Variants in PDCD10 observed in about 807,000 individuals in gnomAD.
The protein encoded by PDCD10 is programmed cell death 10.
PDCD10 carries 4 observed loss-of-function variants against 29.2 expected under a neutral mutation model. The ratio of observed to expected loss-of-function variants is 0.14; its 90% CI spans 0.07 to 0.31. The LOEUF (loss-of-function observed/expected upper bound fraction) is 0.31. Among genes scored for constraint, PDCD10 ranks in the 10% least tolerant of loss-of-function variants. PDCD10 has a pLI of 1.00. For missense variants in PDCD10, 183 were observed against 257.9 expected (o/e 0.71, Z 1.99); for synonymous variants, 70 against 82.2 (o/e 0.85, Z 0.80).
At chr3:167,711,787 C>T (rs1044179601) in intron 3 of PDCD10, among the ~76,000 whole-genome samples, 1 of 152,060 alleles carries the variant, frequency 6.6e-6, no homozygotes, top group African/African-American at 2.4e-5. Flanking sequence ...AAACAAATAA[C>T]ATATGATGGA....
chr3:167,692,537 A>T (rs939630937), intron 6 of PDCD10, among the ~76,000 whole-genome samples: 3 of 152,246 alleles, frequency 2.0e-5, no homozygotes, highest in African/African-American at 7.2e-5. Context: ...GATTAAAAAT[A>T]AAACTCCATG....
intron 3 of PDCD10, among the ~76,000 whole-genome samples, chr3:167,706,349 T>C (rs922756183): frequency 6.6e-6 from 1 of 152,336 alleles, no homozygotes. Context: ...ATGATGGGGA[T>C]GGATATGTTT....
At chr3:167,714,793 C>T (rs995593019) in intron 3 of PDCD10, among the ~76,000 whole-genome samples, 1 of 151,338 alleles carries the variant, frequency 6.6e-6, no homozygotes, top group African/African-American at 2.4e-5. Flanking sequence ...CAATTGGACA[C>T]AAAAAAGGGA....
intron 1 of PDCD10, 95 bp downstream of exon 1, chr3:167,734,567 C>G (rs1725199141): frequency 1.3e-5 from 2 of 152,622 alleles, no homozygotes; most frequent in African/African-American, 2.4e-5. Context: ...CCCGCCCCCA[C>G]CTAGAGGAGA....
At chr3:167,724,984 C>T (rs575775180) in intron 2 of PDCD10, among the ~76,000 whole-genome samples, 95 of 152,262 alleles carry the variant, frequency 6.2e-4, no homozygotes, top group Non-Finnish European at 1.1e-3. Context: ...CAGCTGGGCA[C>T]GGTGGCTCAT....
intron 3 of PDCD10, among the ~76,000 whole-genome samples, chr3:167,711,737 AG>A (rs539446714): frequency 6.6e-4 from 101 of 152,142 alleles, no homozygotes; most frequent in Non-Finnish European, 9.6e-4. Flanking sequence ...AACCCCCCAA[AG>A]GTCAAGCATA....
intron 2 of PDCD10, among the ~76,000 whole-genome samples, chr3:167,732,776 CAAAAGGCA>C (rs1724950704): frequency 6.6e-6 from 1 of 152,208 alleles, no homozygotes; most frequent in Non-Finnish European, 1.5e-5. Flanking sequence ...CCTCCTTCAA[CAAAAGGCA>C]AATACCTACA....
rs920573355 is a variant in PDCD10, at chr3:167,697,211, G to C, written c.151-85C>G. ...AAGTTTAATTGTTTAGAATCTGTTG[G>C]GAGCGTCTTACACTGATAACTTTTA... On this transcript the variant is annotated intron_variant, in intron 4 of 8. Transcript: ENST00000392750. The C allele has an allele frequency of 2.1e-5, 17 of 791,482 alleles. No individual in the cohort carries two copies. In the African/African-American group the frequency reaches 2.9e-4, roughly 13 times the overall value. The allele number at this position is 791,482 out of a possible 1,614,324, so 49.0% of individuals were successfully genotyped here. A position where few individuals can be genotyped will look rare whatever the true frequency, so the allele number is the denominator to read the frequency against.
chr3:167,732,604 G>C (rs1460495749), intron 2 of PDCD10, among the ~76,000 whole-genome samples: 1 of 152,080 alleles, frequency 6.6e-6, no homozygotes, highest in Non-Finnish European at 1.5e-5. Context: ...AACTATAATT[G>C]GCCTCAGAGA....
chr3:167,687,238 C>T lies in PDCD10; in HGVS notation c.553G>A (p.Gly185Ser), dbSNP rs1201871705. 2.1e-6 allele frequency: 3 copies of T among 1,460,436 alleles called. No individual in the cohort carries two copies. Among genetic ancestry groups the T allele is most frequent in the African/African-American group, 1.4e-5 (1 of 71,878 alleles). 90.5% of individuals were successfully genotyped at this position (1,460,436 alleles called of 1,614,324 possible). ...AGGATAAATTACAGTACTTACTTGC[C>T]ATCTTTAAAATACGTTTTCAGAGTA... ...SDTLKTYFKD[G>S]KAINVFVSAN... The change falls in exon 8 of 9, where the codon GGC becomes AGC. Residue 185 changes from glycine to serine, a missense_variant. By Grantham distance (56) the Gly-to-Ser change is moderately conservative (BLOSUM62 0). Coordinates refer to ENST00000392750, the MANE Select transcript of PDCD10 (RefSeq NM_007217.4).
intron 2 of PDCD10, among the ~76,000 whole-genome samples, chr3:167,724,977 C>G (rs1445985308): frequency 6.6e-6 from 1 of 152,186 alleles, no homozygotes; most frequent in Non-Finnish European, 1.5e-5. Flanking sequence ...TACTCATCAG[C>G]TGGGCACGGT....
Position 167,734,315 on chromosome 3 carries a change from A to G in PDCD10, c.-218T>C, listed in dbSNP as rs1207763867. On this transcript the variant is annotated 5_prime_UTR_variant, in exon 2 of 9. Coordinates refer to ENST00000392750, the MANE Select transcript of PDCD10 (RefSeq NM_007217.4). ...ACTGGAACTGAATCCGTAGACCCCAACATTTGTCTCTTCCTTCTTCCAGTG... is the reference window on the plus strand; with the variant it reads ...ACTGGAACTGAATCCGTAGACCCCAGCATTTGTCTCTTCCTTCTTCCAGTG... 6.6e-6 allele frequency: 1 copy of G among 152,444 alleles called. No individual in the cohort carries two copies. The highest frequency in any genetic ancestry group is 1.5e-5 in the Non-Finnish European group (1 of 68,248). The allele number at this position is 152,444 out of a possible 1,614,324, so 9.4% of individuals were successfully genotyped here.
At chr3:167,710,317 G>A (rs1223882630) in intron 3 of PDCD10, among the ~76,000 whole-genome samples, 1 of 152,174 alleles carries the variant, frequency 6.6e-6, no homozygotes, top group African/African-American at 2.4e-5. Flanking sequence ...TCCTGGCCCA[G>A]AGAGGAGCCC....
At chr3:167,727,844 C>T (rs928260976) in intron 2 of PDCD10, among the ~76,000 whole-genome samples, 4 of 152,206 alleles carry the variant, frequency 2.6e-5, no homozygotes, top group East Asian at 1.9e-4. Flanking sequence ...TACACAATTT[C>T]TTTGCACCAA....
Position 167,725,188 on chromosome 3 carries a change from C to T in PDCD10, c.-116-4915G>A, listed in dbSNP as rs145477118. Among the ~76,000 whole-genome samples the T allele has an allele frequency of 3.9e-4, 55 of 142,110 alleles. No homozygotes were observed. In the East Asian group the frequency reaches 0.012, roughly 31 times the overall value. The allele number at this position is 142,110 out of a possible 152,430, so 93.2% of individuals were successfully genotyped here. On this transcript the variant is annotated intron_variant, in intron 2 of 8. Coordinates refer to ENST00000392750, the MANE Select transcript of PDCD10 (RefSeq NM_007217.4). ...AAGGGAATTGCTTGGACCTGGAAGG[C>T]GGAAGTTGCAGTGAGTCGAGATCGT...
At chr3:167,720,030 A>C in intron 3 of PDCD10, 32 bp downstream of exon 3, 1 of 1,218,176 alleles carries the variant, frequency 8.2e-7, no homozygotes, top group Non-Finnish European at 1.2e-6. Context: ...AGAATTGCAG[A>C]GTTCATGCAA....
At chr3:167,689,000 G>C (rs1399408806) in intron 6 of PDCD10, among the ~76,000 whole-genome samples, 2 of 152,108 alleles carry the variant, frequency 1.3e-5, no homozygotes, top group Admixed American at 6.5e-5. Flanking sequence ...CTCTGAAGTA[G>C]TAATTCCATT....
At position 167,732,673 on chromosome 3, in the gene PDCD10, A is replaced by G. The variant is rs530939190; in HGVS notation, c.-117+1541T>C. 1.7e-3 allele frequency among the ~76,000 whole-genome samples: 265 copies of G among 151,864 alleles called. 2 individuals are homozygous for G. Among genetic ancestry groups the G allele is most frequent in the African/African-American group, 6.3e-3 (259 of 41,096 alleles). ...AATCTAAAACACACTGAACAAATGC[A>G]TTACATTAACTAATTTCCAAAATTT... On this transcript the variant is annotated intron_variant, in intron 2 of 8. Coordinates refer to ENST00000392750, the MANE Select transcript of PDCD10 (RefSeq NM_007217.4).
chr3:167,684,372 A>G lies in PDCD10; in HGVS notation c.575T>C (p.Val192Ala). Reference sequence around the variant, plus strand: ...TTGATGAATTAGTCGGTTGGCACTTACGAACACATTTATTGCCCTGTTTAA... The same window carrying G: ...TTGATGAATTAGTCGGTTGGCACTTGCGAACACATTTATTGCCCTGTTTAA... ...FKDGKAINVFVSANRLIHQTN... is the reference protein window; with the variant it reads ...FKDGKAINVFASANRLIHQTN... The change falls in exon 9 of 9, where the codon GTA becomes GCA. Residue 192 changes from valine to alanine, a missense_variant. Coordinates refer to ENST00000392750, the MANE Select transcript of PDCD10 (RefSeq NM_007217.4). The G allele has an allele frequency of 6.2e-7, 1 of 1,600,368 alleles. No homozygotes were observed. Among genetic ancestry groups the G allele is most frequent in the East Asian group, 2.2e-5 (1 of 44,690 alleles).
Sources: gnomAD v4.1 joint callset for allele counts (sites outside exome capture counted in the v4.1 genomes callset) on GRCh38, gnomAD v4.1.1 for gene constraint, MANE v1.5 for transcripts, NCBI Gene and HGNC (gene_info 2026-07-23, HGNC 2026-07-21) for gene names.